The following COL20A1 variants were observed in gnomAD, a reference collection of about 807,000 sequenced individuals.
COL20A1 encodes the protein collagen alpha-1(XX) chain.
COL20A1 carries 164 observed loss-of-function variants against 152.9 expected under a neutral mutation model. The observed-to-expected ratio is 1.07, with a 90% CI of 0.94 to 1.22. The LOEUF (loss-of-function observed/expected upper bound fraction) is 1.22, where lower values mean the gene tolerates loss of function less well. Ranked by LOEUF, COL20A1 falls within the 50% of genes most tolerant of loss-of-function variation. The pLI is 0.00. For missense variants in COL20A1, 1,873 were observed against 1,744.8 expected, an observed-to-expected ratio of 1.07 and a Z score of -1.31; for synonymous variants, 864 against 756.0, an observed-to-expected ratio of 1.14 and a Z score of -2.34.
Position 63,333,190 on chromosome 20 carries a change from GC to G in COL20A1, c.*2477del, listed in dbSNP as rs2068354439. 2 of 152,566 alleles carry G rather than the reference GC, an allele frequency of 1.3e-5. No homozygotes were observed. The allele number at this position is 152,566 out of a possible 1,614,324, so 9.5% of individuals were successfully genotyped here. On this transcript the variant is annotated 3_prime_UTR_variant, in exon 36 of 36. Transcript: ENST00000358894. Reference sequence around the variant, plus strand: ...CACCCCCAGAGGCAGCACAGCTTCAGCCCTACGCAGTGTGGGGGCTCCGGGA... The same window carrying G: ...CACCCCCAGAGGCAGCACAGCTTCAGCCTACGCAGTGTGGGGGCTCCGGGA...
chr20:63,309,936 G>A, intron 10 of COL20A1, 21 bp downstream of exon 10: 1 of 1,565,414 alleles, frequency 6.4e-7, no homozygotes. Context: ...CGGTATACAG[G>A]GCTCCCCGAG....
chr20:63,317,889 G>A (rs994479737), intron 21 of COL20A1, among the ~76,000 whole-genome samples: 2 of 152,042 alleles, frequency 1.3e-5, no homozygotes, highest in East Asian at 1.9e-4. Flanking sequence ...CCTCTTCCTC[G>A]GTGGCCTCAG....
At chr20:63,294,297 C>T (rs2067758492) in intron 1 of COL20A1, among the ~76,000 whole-genome samples, 1 of 151,062 alleles carries the variant, frequency 6.6e-6, no homozygotes, top group South Asian at 2.1e-4. Context: ...GGACTCGGGC[C>T]TGGCAGCTGA....
chr20:63,299,850 T>C (rs187963179), intron 3 of COL20A1, among the ~76,000 whole-genome samples: 2 of 151,988 alleles, frequency 1.3e-5, no homozygotes, highest in East Asian at 3.9e-4. Flanking sequence ...TATACGTGTG[T>C]GTGTATACAT....
rs1216365500 is a variant in COL20A1 at position 63,319,195 on chromosome 20, T to C, written c.2801T>C (p.Leu934Pro). The C allele has an allele frequency of 1.2e-6, 2 of 1,611,976 alleles. No homozygotes were observed. Among genetic ancestry groups the C allele is most frequent in the Non-Finnish European group, 1.7e-6 (2 of 1,179,474 alleles). The change falls in exon 22 of 36, where the codon CTG becomes CCG. Residue 934 changes from leucine to proline, a missense_variant. Leu to Pro is a moderately conservative substitution (Grantham distance 98). Coordinates refer to ENST00000358894, the MANE Select transcript of COL20A1 (RefSeq NM_020882.4). This position sits in a 1 kb window ranked among gnomAD's most constrained non-coding sequence, Gnocchi z 4.4. ...EDFQPLLGVL[L>P]DAGKKSLTYF... ...TTCCAGCCCCTCCTTGGGGTTCTGC[T>C]GGATGGTGACGTGGGCCCCGCGTCG... is the stretch of plus-strand genomic sequence containing the variant.
chr20:63,304,062 A>G (rs370474765), intron 3 of COL20A1, among the ~76,000 whole-genome samples: 1,444 of 24,496 alleles, frequency 0.059, 2 homozygotes, highest in African/African-American at 0.082. Flanking sequence ...CCTCCCTCCC[A>G]GTGTGCAGGT....
Position 63,316,593 on chromosome 20 carries a change from T to G in COL20A1, c.2565T>G (p.Ala855=). ...LMVAFSLVEK[A]YASIRGVAME... is the part of the protein sequence containing the mutation. ...TGGCCTTCAGCCTGGTGGAAAAGGC[T>G]TATGCGTCCATCCGGGGCGTGGCCA... The change falls in exon 21 of 36, where the codon GCT becomes GCG. Residue 855 remains alanine (A), a synonymous_variant. Coordinates refer to ENST00000358894, the MANE Select transcript of COL20A1 (RefSeq NM_020882.4). 1 of 1,588,846 alleles carries G rather than the reference T, an allele frequency of 6.3e-7. No individual in the cohort carries two copies. The highest frequency in any genetic ancestry group is 8.6e-7 in the Non-Finnish European group (1 of 1,167,756).
In COL20A1 at chr20:63,325,599, C is replaced by A. The variant is rs373611857; in HGVS notation, c.3349-69C>A. The A allele has an allele frequency of 5.3e-5, 83 of 1,568,652 alleles. No individual in the cohort carries two copies. The African/African-American group carries it at 9.6e-4, about 18-fold the overall frequency. ...GGGGCACAGGGGTTGGGGGTGAGGCCTCACAGGCAGGGCCACCTCTGGATG... is the reference window on the plus strand; with the variant it reads ...GGGGCACAGGGGTTGGGGGTGAGGCATCACAGGCAGGGCCACCTCTGGATG... On this transcript the variant is annotated intron_variant, in intron 28 of 35. Coordinates refer to ENST00000358894, the MANE Select transcript of COL20A1 (RefSeq NM_020882.4).
chr20:63,325,108 A>G, intron 27 of COL20A1: 1 of 445,830 alleles, frequency 2.2e-6, no homozygotes, highest in South Asian at 2.0e-5. Flanking sequence ...GTGAGCAGTG[A>G]GGGTGCTGGG....
At chr20:63,329,745 C>A in intron 35 of COL20A1, 84 bp downstream of exon 35, 1 of 962,096 alleles carries the variant, frequency 1.0e-6, no homozygotes. Context: ...CGGGTGGGGC[C>A]TCATGCTGTC....
chr20:63,329,629 G>C lies in COL20A1; in HGVS notation c.3826G>C (p.Gly1276Arg), dbSNP rs2068305703. 6.2e-7 allele frequency: 1 copy of C among 1,605,738 alleles called. No homozygotes were observed. The highest frequency in any genetic ancestry group is 1.3e-5 in the African/African-American group (1 of 74,832). Reference sequence around the variant, plus strand: ...TCAGATGGGCAGCCCTGGGCAGCAGGGGGCTAGCACCCAGGGCCTCTGGGA... The same window carrying C: ...TCAGATGGGCAGCCCTGGGCAGCAGCGGGCTAGCACCCAGGGCCTCTGGGA... ...VGQMGSPGQQGASTQGLWE is the reference protein window; with the variant it reads ...VGQMGSPGQQRASTQGLWE Residue 1276 changes from glycine (G) to arginine (R), a missense_variant, in exon 35 of 36, where the codon GGG (glycine) becomes CGG (arginine). By Grantham distance (125) the Gly-to-Arg change is moderately radical (BLOSUM62 -2). Transcript: ENST00000358894.
In COL20A1 at chr20:63,311,870, C is replaced by T. The variant is rs1381649972; in HGVS notation, c.1664-46C>T. ...CAGCCACTGCCCACCCTTGCCCCTGCCATGGAGGCCGCGTGCTGGCCTTGA... is the reference window on the plus strand; with the variant it reads ...CAGCCACTGCCCACCCTTGCCCCTGTCATGGAGGCCGCGTGCTGGCCTTGA... On this transcript the variant is annotated intron_variant, in intron 13 of 35. Transcript: ENST00000358894. The surrounding 1 kb of genome is among the most constrained non-coding windows in gnomAD (Gnocchi z 4.4). 1 of 1,507,242 alleles carries T rather than the reference C, an allele frequency of 6.6e-7. No homozygotes were observed. The highest frequency in any genetic ancestry group is 1.4e-5 in the African/African-American group (1 of 72,558). 93.4% of individuals were successfully genotyped at this position (1,507,242 alleles called of 1,614,324 possible).
In COL20A1 at chr20:63,319,205, C is replaced by T. The variant is rs200881382; in HGVS notation, c.2806+5C>T. ...TCCTTGGGGTTCTGCTGGATGGTGA[C>T]GTGGGCCCCGCGTCGCCCCCAGCAG... is the stretch of plus-strand genomic sequence containing the variant. On this transcript the variant is annotated splice_donor_5th_base_variant and intron_variant, in intron 22 of 35. Coordinates refer to ENST00000358894, the MANE Select transcript of COL20A1 (RefSeq NM_020882.4). This position sits in a 1 kb window ranked among gnomAD's most constrained non-coding sequence, Gnocchi z 4.4. The T allele has an allele frequency of 2.5e-4, 408 of 1,611,614 alleles. 1 individual carries two copies. Among genetic ancestry groups the T allele is most frequent in the Non-Finnish European group, 3.3e-4 (386 of 1,179,260 alleles).
At chr20:63,322,241 C>G in intron 27 of COL20A1, 130 bp downstream of exon 27, 1 of 719,884 alleles carries the variant, frequency 1.4e-6, no homozygotes, top group Non-Finnish European at 2.2e-6. Context: ...GGGGTCTCCC[C>G]AAGCTGCAGA....
intron 2 of COL20A1, among the ~76,000 whole-genome samples, chr20:63,296,610 C>T (rs2067797064): frequency 6.6e-6 from 1 of 152,234 alleles, no homozygotes; most frequent in Admixed American, 6.5e-5. Context: ...CAGGCCCCAA[C>T]AGTGCTGTCC....
Position 63,331,233 on chromosome 20 carries a change from C to A in COL20A1, c.*517C>A, listed in dbSNP as rs1207678463. The A allele has an allele frequency of 6.6e-6, 1 of 152,380 alleles. No homozygotes were observed. The highest frequency in any genetic ancestry group is 1.9e-4 in the East Asian group (1 of 5,200). 9.4% of individuals were successfully genotyped at this position (152,380 alleles called of 1,614,324 possible). ...GGTTCCACTGCTGGCCCACCAGTCA[C>A]CTGCACGATGGCTCCTCCCTCAGAA... is the stretch of plus-strand genomic sequence containing the variant. On this transcript the variant is annotated 3_prime_UTR_variant, in exon 36 of 36. Transcript: ENST00000358894.
At chr20:63,328,019 G>C in intron 32 of COL20A1, 32 bp downstream of exon 32, 2 of 1,612,076 alleles carry the variant, frequency 1.2e-6, no homozygotes, top group Non-Finnish European at 1.7e-6. Flanking sequence ...GGCTCACTTG[G>C]GATCTCCTGG....
Position 63,313,789 on chromosome 20 carries a change from G to C in COL20A1, c.2256G>C (p.Glu752Asp), listed in dbSNP as rs759929034. 115 of 1,609,962 alleles carry C rather than the reference G, an allele frequency of 7.1e-5. No individual in the cohort carries two copies. Among genetic ancestry groups the C allele is most frequent in the Admixed American group, 1.2e-4 (7 of 59,626 alleles). ...CCTCCAACCTGGCCCTGGCCTCGGA[G>C]ACCCCCGACAGCCTGCAGGTCAGCT... The part of the protein sequence containing the change: ...SPPSNLALAS[E>D]TPDSLQVSWT... Residue 752 changes from glutamate to aspartate, a missense_variant, in exon 18 of 36, where the codon GAG becomes GAC. Physicochemically the swap from Glu to Asp is conservative, Grantham distance 45. Coordinates refer to ENST00000358894, the MANE Select transcript of COL20A1 (RefSeq NM_020882.4). The surrounding 1 kb of genome is among the most constrained non-coding windows in gnomAD (Gnocchi z 5.9).
chr20:63,328,019 G>A lies in COL20A1; in HGVS notation c.3564+32G>A, dbSNP rs775297363. The A allele has an allele frequency of 6.2e-6, 10 of 1,611,958 alleles. No individual in the cohort carries two copies. In the African/African-American group the frequency reaches 1.3e-4, roughly 22 times the overall value. On this transcript the variant is annotated intron_variant, in intron 32 of 35. Coordinates refer to ENST00000358894, the MANE Select transcript of COL20A1 (RefSeq NM_020882.4). ...GAGGCTGAGATCTTTGGCTCACTTG[G>A]GATCTCCTGGGAAGGCACCTGCCAC...
Sources: allele counts gnomAD v4.1 joint callset (sites outside exome capture counted in the v4.1 genomes callset), GRCh38; gene constraint gnomAD v4.1.1; non-coding constraint Gnocchi (gnomAD v3.1); transcripts MANE v1.5; gene names NCBI Gene and HGNC (gene_info 2026-07-23, HGNC 2026-07-21).